WDFY4: variants seen among roughly 807,000 people sequenced by gnomAD.
WDFY4 encodes WD repeat- and FYVE domain-containing protein 4.
In WDFY4, 169 loss-of-function variants were observed where a neutral mutation model predicts 351.9. The ratio of observed to expected loss-of-function variants is 0.48; its 90% CI spans 0.42 to 0.55. WDFY4 has a LOEUF of 0.55. Among genes scored for constraint, WDFY4 ranks in the 20% least tolerant of loss-of-function variants. The pLI is 0.00. For synonymous variants in WDFY4, 1,622 were observed against 1,574.6 expected (o/e 1.03, Z -0.71); for missense variants, 3,803 against 3,935.6 (o/e 0.97, Z 0.90).
intron 6 of WDFY4, among the ~76,000 whole-genome samples, chr10:48,727,100 T>C (rs890112099): frequency 1.3e-5 from 2 of 152,196 alleles, no homozygotes; most frequent in African/African-American, 4.8e-5. Flanking sequence ...CTCCCCTGCA[T>C]TTTTCATCAA....
chr10:48,757,006 G>C (rs2065357151), intron 12 of WDFY4, among the ~76,000 whole-genome samples: 1 of 152,030 alleles, frequency 6.6e-6, no homozygotes, highest in South Asian at 2.1e-4. Context: ...TGTAGAACTG[G>C]TGTTATTTCT....
chr10:48,967,760 T>G (rs1842150053), intron 55 of WDFY4: 1 of 152,260 alleles, frequency 6.6e-6, no homozygotes, highest in Admixed American at 6.5e-5. Context: ...TCTGAGGACA[T>G]GCACTGCCTT....
chr10:48,798,114 C>T lies in WDFY4; in HGVS notation c.4410+1664C>T, dbSNP rs1459597602. Among the ~76,000 whole-genome samples, 5 of 152,146 alleles carry T rather than the reference C, an allele frequency of 3.3e-5. 1 individual carries two copies. ...TACATATCAAAACACCACAGGGCTGCTACTGAAGGCAGGACCAGAGGGAGA... is the reference window on the plus strand; with the variant it reads ...TACATATCAAAACACCACAGGGCTGTTACTGAAGGCAGGACCAGAGGGAGA... On this transcript the variant is annotated intron_variant, in intron 24 of 61. Coordinates refer to ENST00000325239, the MANE Select transcript of WDFY4 (RefSeq NM_001394531.1).
intron 7 of WDFY4, among the ~76,000 whole-genome samples, chr10:48,728,484 G>A (rs1242623006): frequency 6.6e-6 from 1 of 152,208 alleles, no homozygotes; most frequent in Non-Finnish European, 1.5e-5. Context: ...TTTGCTGGGC[G>A]AGAATGAGAC....
intron 28 of WDFY4, among the ~76,000 whole-genome samples, chr10:48,809,406 T>C (rs2132904771): frequency 6.7e-6 from 1 of 149,990 alleles, no homozygotes; most frequent in African/African-American, 2.5e-5. Context: ...AACAGCATCA[T>C]CACCATCATC....
intron 32 of WDFY4, among the ~76,000 whole-genome samples, chr10:48,818,191 G>A (rs2067688369): frequency 1.3e-5 from 2 of 152,226 alleles, no homozygotes; most frequent in African/African-American, 4.8e-5. Context: ...GTGAGGGCAA[G>A]TGAGCTAACC....
intron 55 of WDFY4, chr10:48,968,194 C>G (rs1842170696): frequency 6.6e-6 from 1 of 152,258 alleles, no homozygotes; most frequent in South Asian, 2.1e-4. Flanking sequence ...AGGCTTGTGA[C>G]AGTGCCATGA....
intron 13 of WDFY4, among the ~76,000 whole-genome samples, chr10:48,761,460 G>C (rs950335954): frequency 3.9e-5 from 6 of 152,202 alleles, no homozygotes; most frequent in Non-Finnish European, 2.9e-5. Context: ...GGTGATAGCT[G>C]GATTAGGGTG....
chr10:48,703,706 T>C (rs995169456), intron 1 of WDFY4, among the ~76,000 whole-genome samples: 5 of 152,088 alleles, frequency 3.3e-5, no homozygotes, highest in South Asian at 4.1e-4. Flanking sequence ...AATCACTCAA[T>C]AGAAAGTCAG....
At chr10:48,743,666 CATGTGACCTCA>C in intron 12 of WDFY4, 118 bp downstream of exon 12, 1 of 1,175,568 alleles carries the variant, frequency 8.5e-7, no homozygotes, top group South Asian at 1.6e-5. Context: ...GCAGAAATGT[CATGTGACCTCA>C]ACTTCCTCAA....
At chr10:48,777,529 T>A (rs754740361) in intron 17 of WDFY4, 34 bp downstream of exon 17, 13 of 1,533,932 alleles carry the variant, frequency 8.5e-6, no homozygotes, top group African/African-American at 1.4e-5. Context: ...TAGCTCTCCA[T>A]CCCTTCCAAA....
Position 48,890,601 on chromosome 10 carries a change from T to C in WDFY4, c.7190T>C (p.Val2397Ala). 6.4e-7 allele frequency: 1 copy of C among 1,551,702 alleles called. No homozygotes were observed. Among genetic ancestry groups the C allele is most frequent in the Non-Finnish European group, 8.7e-7 (1 of 1,146,996 alleles). Reference sequence around the variant, plus strand: ...CAGGTGACGCAGAAGTTCTCCCTGGTGATTGTGCAGGGCCACCTGGTGTCA... The same window carrying C: ...CAGGTGACGCAGAAGTTCTCCCTGGCGATTGTGCAGGGCCACCTGGTGTCA... ...KEKVTQKFSL[V>A]IVQGHLVSEG... The change falls in exon 44 of 62, where the codon GTG becomes GCG. Residue 2397 changes from valine (V) to alanine (A), a missense_variant. Around this residue, in one of 3 missense-constraint regions of WDFY4, gnomAD observed 3,054 missense variants for 3,148.6 expected, o/e 0.97. Coordinates refer to ENST00000325239, the MANE Select transcript of WDFY4 (RefSeq NM_001394531.1).
intron 13 of WDFY4, among the ~76,000 whole-genome samples, chr10:48,762,799 C>A (rs368738499): frequency 6.6e-6 from 1 of 152,210 alleles, no homozygotes; most frequent in Admixed American, 6.5e-5. Flanking sequence ...TCCGGGCCCC[C>A]ACAGGCACAA....
intron 55 of WDFY4, chr10:48,967,395 G>A (rs1184895056): frequency 6.6e-6 from 1 of 152,248 alleles, no homozygotes; most frequent in Non-Finnish European, 1.5e-5. Context: ...TGTGATTTAG[G>A]GAGGGAAGAG....
At chr10:48,766,414 T>A (rs2065672573) in intron 13 of WDFY4, among the ~76,000 whole-genome samples, 1 of 152,022 alleles carries the variant, frequency 6.6e-6, no homozygotes, top group Non-Finnish European at 1.5e-5. Flanking sequence ...AACAGCAAAC[T>A]CCATCTGTAC....
intron 4 of WDFY4, 127 bp downstream of exon 4, chr10:48,721,494 CT>C: frequency 1.2e-6 from 1 of 806,406 alleles, no homozygotes; most frequent in South Asian, 1.7e-5. Flanking sequence ...ATTATTTCTC[CT>C]CCCTCCTCCC....
intron 5 of WDFY4, among the ~76,000 whole-genome samples, chr10:48,723,932 G>C (rs931211762): frequency 6.6e-6 from 1 of 151,882 alleles, no homozygotes; most frequent in African/African-American, 2.4e-5. Flanking sequence ...GTCTTGGGTG[G>C]GGCTGGGATT....
intron 2 of WDFY4, 52 bp from the exon 3 acceptor site, chr10:48,719,959 T>C (rs538237702): frequency 5.3e-6 from 8 of 1,498,556 alleles, no homozygotes; most frequent in East Asian, 2.5e-5. Context: ...GCAGTGCTCA[T>C]GCCCTGCTTG....
In WDFY4 at chr10:48,893,246, A is replaced by G. The variant is rs116461316; in HGVS notation, c.7316+2519A>G. 8.6e-3 allele frequency among the ~76,000 whole-genome samples: 1,314 copies of G among 152,248 alleles called. 13 individuals carry two copies. Among genetic ancestry groups the G allele is most frequent in the African/African-American group, 0.03 (1,227 of 41,538 alleles). On this transcript the variant is annotated intron_variant, in intron 44 of 61. Coordinates refer to ENST00000325239, the MANE Select transcript of WDFY4 (RefSeq NM_001394531.1). ...CTCCGTGTCCAAATTTTCCCTTTTT[A>G]TAAGGACACCAGTCAGGTTGGATTT...
Sources: gnomAD v4.1 joint callset for allele counts (sites outside exome capture counted in the v4.1 genomes callset) on GRCh38, gnomAD v4.1.1 for gene constraint, gnomAD v4.1.1 regional missense constraint, MANE v1.5 for transcripts, NCBI Gene and HGNC (gene_info 2026-07-23, HGNC 2026-07-21) for gene names.